The following MDGA2 variants were observed in gnomAD, a reference collection of about 807,000 sequenced individuals.
MDGA2 encodes the protein MAM domain-containing glycosylphosphatidylinositol anchor protein 2.
A neutral mutation model predicts 117.8 loss-of-function variants in MDGA2; 40 were observed. The observed-to-expected ratio is 0.34, with a 90% CI of 0.26 to 0.44. The LOEUF is 0.44. Among genes scored for constraint, MDGA2 ranks in the 20% least tolerant of loss-of-function variants. MDGA2 has a pLI of 1.00. For missense variants in MDGA2, 1,123 were observed against 1,250.6 expected, an observed-to-expected ratio of 0.90 and a Z score of 1.54; for synonymous variants, 452 against 439.0, an observed-to-expected ratio of 1.03 and a Z score of -0.37.
Position 47,202,966 on chromosome 14 carries a change from G to A in MDGA2, c.595+15055C>T, listed in dbSNP as rs926061163. ...GAAAATAACTTTTCTCTCCAGTTTG[G>A]TGTTTTAAATACCTAAAAAGAGTTT... On this transcript the variant is annotated intron_variant, in intron 3 of 16. Coordinates refer to ENST00000399232, the MANE Select transcript of MDGA2 (RefSeq NM_001113498.3). Among the ~76,000 whole-genome samples, 8 of 152,012 alleles carry A rather than the reference G, an allele frequency of 5.3e-5. 1 individual carries two copies. The highest frequency in any genetic ancestry group is 1.4e-4 in the African/African-American group (6 of 41,432).
At chr14:47,417,136 T>C (rs377064654) in intron 1 of MDGA2, among the ~76,000 whole-genome samples, 5 of 152,230 alleles carry the variant, frequency 3.3e-5, no homozygotes, top group African/African-American at 9.6e-5. Context: ...CATTCTTTTC[T>C]ATATAAATAA....
intron 1 of MDGA2, among the ~76,000 whole-genome samples, chr14:47,304,882 A>C (rs2139822308): frequency 6.6e-6 from 1 of 152,298 alleles, no homozygotes; most frequent in South Asian, 2.1e-4. Context: ...TAAGATTCCC[A>C]TACCAATAAT....
At chr14:47,287,083 A>T (rs1239420514) in intron 2 of MDGA2, among the ~76,000 whole-genome samples, 1 of 151,984 alleles carries the variant, frequency 6.6e-6, no homozygotes, top group Non-Finnish European at 1.5e-5. Context: ...AGAGGAAAAC[A>T]AGTAAAAGAG....
chr14:47,121,513 A>T (rs938324647), intron 5 of MDGA2, among the ~76,000 whole-genome samples: 1 of 152,126 alleles, frequency 6.6e-6, no homozygotes, highest in Non-Finnish European at 1.5e-5. Context: ...GATAGATTAT[A>T]TCATTGATAC....
chr14:47,137,401 C>A (rs1033238894), intron 4 of MDGA2, among the ~76,000 whole-genome samples: 8 of 152,014 alleles, frequency 5.3e-5, no homozygotes, highest in African/African-American at 1.4e-4. Context: ...CTGGGTCATG[C>A]GGGCAGACCC....
At chr14:47,594,894 T>C (rs1244947788) in intron 1 of MDGA2, among the ~76,000 whole-genome samples, 5 of 152,088 alleles carry the variant, frequency 3.3e-5, no homozygotes, top group African/African-American at 1.2e-4. Flanking sequence ...ATGGTGTAGA[T>C]CACAAATTAT....
intron 3 of MDGA2, among the ~76,000 whole-genome samples, chr14:47,144,848 CT>C (rs1882875472): frequency 7.7e-6 from 1 of 129,122 alleles, no homozygotes; most frequent in African/African-American, 3.2e-5. Flanking sequence ...CAGGGACTGG[CT>C]ATGTTGTCCA....
chr14:47,378,858 TACAGAGAACGCC>T (rs1475813938), intron 1 of MDGA2, among the ~76,000 whole-genome samples: 2 of 151,898 alleles, frequency 1.3e-5, no homozygotes, highest in Admixed American at 1.3e-4. Context: ...ATTCAGGAAA[TACAGAGAACGCC>T]ACAAAGATAC....
intron 10 of MDGA2, among the ~76,000 whole-genome samples, chr14:46,906,633 T>C (rs1883504815): frequency 6.6e-6 from 1 of 152,194 alleles, no homozygotes; most frequent in South Asian, 2.1e-4. Flanking sequence ...ATCTGTTAGC[T>C]AGAACTTTAC....
At chr14:47,319,770 T>C (rs1469454661) in intron 1 of MDGA2, among the ~76,000 whole-genome samples, 2 of 152,102 alleles carry the variant, frequency 1.3e-5, no homozygotes, top group Non-Finnish European at 2.9e-5. Context: ...TTCTGTAATA[T>C]TACCAAAAAA....
chr14:47,580,032 T>C (rs1229065502), intron 1 of MDGA2, among the ~76,000 whole-genome samples: 2 of 152,086 alleles, frequency 1.3e-5, no homozygotes, highest in African/African-American at 4.8e-5. Context: ...CCAAAGAGAT[T>C]GTTTTTCTTT....
intron 1 of MDGA2, among the ~76,000 whole-genome samples, chr14:47,549,686 A>G (rs1895543057): frequency 2.0e-5 from 3 of 152,158 alleles, no homozygotes; most frequent in Middle Eastern, 3.2e-3. Context: ...AAATGAGGTA[A>G]TAAGGGTGAA....
At position 47,389,479 on chromosome 14, in the gene MDGA2, T is replaced by A. The variant is rs1254106334; in HGVS notation, c.281-87929A>T. ...GAATACTTATTTTTAATCTATAGGG[T>A]CTTTTTTTGAAAACTGCTTTCTAGG... On this transcript the variant is annotated intron_variant, in intron 1 of 16. Transcript: ENST00000399232. Among the ~76,000 whole-genome samples the A allele has an allele frequency of 2.6e-5, 4 of 152,288 alleles. No homozygotes were observed. In the East Asian group the frequency reaches 7.7e-4, roughly 29 times the overall value.
In MDGA2 at chr14:47,245,804, C is replaced by T. The variant is rs900154816; in HGVS notation, c.421-27609G>A. On this transcript the variant is annotated intron_variant, in intron 2 of 16. Transcript: ENST00000399232. Reference sequence around the variant, plus strand: ...AGTTGGAAATTCACTCAAATAGGAACATCCTATTTGTAATTGCAACCATTT... The same window carrying T: ...AGTTGGAAATTCACTCAAATAGGAATATCCTATTTGTAATTGCAACCATTT... 6.6e-5 allele frequency among the ~76,000 whole-genome samples: 10 copies of T among 151,656 alleles called. 1 individual carries two copies.
chr14:47,335,745 T>TATATATATATATATATATACACACATAC, intron 1 of MDGA2, among the ~76,000 whole-genome samples: 2 of 95,558 alleles, frequency 2.1e-5, no homozygotes, highest in African/African-American at 8.5e-5. Flanking sequence ...TATATATATA[T>TATATATATATATATATATACACACATAC]ATACATACAT....
chr14:46,893,655 C>T (rs1882968464), intron 10 of MDGA2, among the ~76,000 whole-genome samples: 1 of 151,800 alleles, frequency 6.6e-6, no homozygotes, highest in Admixed American at 6.6e-5. Flanking sequence ...TTAAAAAAGA[C>T]AAATTTAAAA....
chr14:46,893,423 G>C lies in MDGA2; in HGVS notation c.2239-11202C>G, dbSNP rs147395546. Among the ~76,000 whole-genome samples, 10 of 151,852 alleles carry C rather than the reference G, an allele frequency of 6.6e-5. 1 individual carries two copies. The highest frequency in any genetic ancestry group is 2.2e-4 in the African/African-American group (9 of 41,506). On this transcript the variant is annotated intron_variant, in intron 10 of 16. Coordinates refer to ENST00000399232, the MANE Select transcript of MDGA2 (RefSeq NM_001113498.3). ...CAGTTATGTAGGATAAATAAGGATAGAGATTAATCACAGAACAGAAGGACC... is the reference window on the plus strand; with the variant it reads ...CAGTTATGTAGGATAAATAAGGATACAGATTAATCACAGAACAGAAGGACC...
chr14:47,130,577 C>T (rs1882153555), intron 5 of MDGA2, among the ~76,000 whole-genome samples: 1 of 152,104 alleles, frequency 6.6e-6, no homozygotes, highest in Non-Finnish European at 1.5e-5. Flanking sequence ...ATATATTTTA[C>T]AATAAAGTCC....
intron 1 of MDGA2, among the ~76,000 whole-genome samples, chr14:47,643,260 A>G (rs1305453653): frequency 6.6e-6 from 1 of 152,096 alleles, no homozygotes; most frequent in African/African-American, 2.4e-5. Context: ...ATTACATTAT[A>G]CCATTTTTAA....
Sources: allele counts gnomAD v4.1 joint callset (sites outside exome capture counted in the v4.1 genomes callset), GRCh38; gene constraint gnomAD v4.1.1; transcripts MANE v1.5; gene names NCBI Gene and HGNC (gene_info 2026-07-23, HGNC 2026-07-21).